Variants in ASXL1 observed in about 807,000 individuals in gnomAD.
ASXL1 encodes polycomb group protein ASXL1.
Under a neutral mutation model 89.1 loss-of-function variants are expected in ASXL1, and 65 were observed. That is an observed-to-expected ratio of 0.73 (90% CI 0.60 to 0.90). ASXL1 has a LOEUF of 0.90. Among genes scored for constraint, ASXL1 ranks in the 40% least tolerant of loss-of-function variants. ASXL1 has a pLI of 0.00. For missense variants in ASXL1, 1,786 were observed against 1,942.9 expected, an observed-to-expected ratio of 0.92 and a Z score of 1.52; for synonymous variants, 739 against 746.9, an observed-to-expected ratio of 0.99 and a Z score of 0.17.
chr20:32,378,472 T>G (rs1436350644), intron 4 of ASXL1, among the ~76,000 whole-genome samples: 1 of 152,180 alleles, frequency 6.6e-6, no homozygotes, highest in African/African-American at 2.4e-5. Context: ...ACAGTTTATT[T>G]ACAGATGCTT....
chr20:32,428,081 A>G, intron 4 of ASXL1, 47 bp from the exon 5 acceptor site: 1 of 1,611,710 alleles, frequency 6.2e-7, no homozygotes, highest in Non-Finnish European at 8.5e-7. Flanking sequence ...CCTTGCTTTA[A>G]GAATTTGTAG....
Position 32,399,745 on chromosome 20 carries a change from C to CTAT in ASXL1, c.253-28382_253-28381insATT, listed in dbSNP as rs1600525633. On this transcript the variant is annotated intron_variant, in intron 4 of 12. Coordinates refer to ENST00000375687, the MANE Select transcript of ASXL1 (RefSeq NM_015338.6). Reference sequence around the variant, plus strand: ...ATTTTTAAAAATCTCACATATTTTACTCTTTTTTTTTTTTTTTTTTTTTTT... The same window carrying CTAT: ...ATTTTTAAAAATCTCACATATTTTACTATTCTTTTTTTTTTTTTTTTTTTTTTT... Among the ~76,000 whole-genome samples the CTAT allele has an allele frequency of 1.8e-3, 122 of 66,582 alleles. 16 individuals are homozygous for CTAT. The highest frequency in any genetic ancestry group is 7.9e-3 in the East Asian group (14 of 1,772). 43.7% of individuals were successfully genotyped at this position (66,582 alleles called of 152,430 possible). A position where few individuals can be genotyped will look rare whatever the true frequency, so the allele number is the denominator to read the frequency against.
intron 4 of ASXL1, among the ~76,000 whole-genome samples, chr20:32,409,304 A>G (rs2049006808): frequency 6.6e-6 from 1 of 152,230 alleles, no homozygotes; most frequent in African/African-American, 2.4e-5. Flanking sequence ...GCTATTATAC[A>G]TGGAATTTGT....
Position 32,437,090 on chromosome 20 carries a change from T to G in ASXL1, c.4378T>G (p.Ser1460Ala), listed in dbSNP as rs1280491013. The change falls in exon 13 of 13, where the codon TCT (serine) becomes GCT (alanine). Residue 1460 changes from serine (S) to alanine (A), a missense_variant. By Grantham distance (99) the Ser-to-Ala change is moderately conservative. Coordinates refer to ENST00000375687, the MANE Select transcript of ASXL1 (RefSeq NM_015338.6). The part of the protein sequence containing the change: ...SSTSFNYSSS[S>A]PTFPKGLAGS... ...CACCAGCTTTAATTATTCCTCTAGCTCTCCCACCTTTCCCAAAGGCCTTGC... is the reference window on the plus strand; with the variant it reads ...CACCAGCTTTAATTATTCCTCTAGCGCTCCCACCTTTCCCAAAGGCCTTGC... 1 of 1,614,110 alleles carries G rather than the reference T, an allele frequency of 6.2e-7. No individual in the cohort carries two copies. Among genetic ancestry groups the G allele is most frequent in the Admixed American group, 1.7e-5 (1 of 60,020 alleles).
At chr20:32,427,050 T>A (rs1240779004) in intron 4 of ASXL1, 1 of 152,174 alleles carries the variant, frequency 6.6e-6, no homozygotes, top group Non-Finnish European at 1.5e-5. Context: ...CATACTTTTA[T>A]TCAAAGAAGA....
intron 4 of ASXL1, among the ~76,000 whole-genome samples, chr20:32,425,409 T>G (rs1322124070): frequency 6.6e-6 from 1 of 152,248 alleles, no homozygotes; most frequent in Non-Finnish European, 1.5e-5. Flanking sequence ...TATCTTCAAC[T>G]GTACCAGATA....
intron 4 of ASXL1, among the ~76,000 whole-genome samples, chr20:32,424,147 C>T (rs959823256): frequency 7.2e-5 from 11 of 152,156 alleles, no homozygotes; most frequent in African/African-American, 1.2e-4. Context: ...CCTAATTTTT[C>T]TTTTTCATTG....
At position 32,429,612 on chromosome 20, in the gene ASXL1, C is replaced by T. The variant is rs946457535; in HGVS notation, c.565+181C>T. 8.0e-6 allele frequency: 6 copies of T among 751,902 alleles called. No individual in the cohort carries two copies. Among genetic ancestry groups the T allele is most frequent in the East Asian group, 2.7e-5 (1 of 37,232 alleles). The allele number at this position is 751,902 out of a possible 1,614,324, so 46.6% of individuals were successfully genotyped here. The stretch of plus-strand genomic sequence containing the variant: ...AGTGCTGGGCTCTGCTGTGTGCCTT[C>T]CTCTTTGTCTCCCAGGGCAGTCGTG... On this transcript the variant is annotated intron_variant, in intron 7 of 12. Transcript: ENST00000375687. This position sits in a 1 kb window ranked among gnomAD's most constrained non-coding sequence, Gnocchi z 4.9.
At chr20:32,364,020 C>T (rs1330615193) in intron 1 of ASXL1, among the ~76,000 whole-genome samples, 3 of 152,074 alleles carry the variant, frequency 2.0e-5, no homozygotes, top group Non-Finnish European at 4.4e-5. Flanking sequence ...TCCAACAACT[C>T]GAGAGGAAGA....
chr20:32,364,768 A>G (rs1412900926), intron 1 of ASXL1, among the ~76,000 whole-genome samples: 2 of 152,218 alleles, frequency 1.3e-5, no homozygotes, highest in Admixed American at 6.5e-5. Context: ...AGTCTATAAC[A>G]TGTAAGTTCT....
At chr20:32,369,193 A>C (rs1337880376) in intron 4 of ASXL1, 70 bp downstream of exon 4, 1 of 1,420,106 alleles carries the variant, frequency 7.0e-7, no homozygotes, top group East Asian at 2.3e-5. Flanking sequence ...ATCACCTGGT[A>C]GGTCTGGAAT....
At position 32,426,548 on chromosome 20, in the gene ASXL1, TTCTTTC is replaced by T. The variant is rs1366749755; in HGVS notation, c.253-1578_253-1573del. Among the ~76,000 whole-genome samples the T allele has an allele frequency of 1.1e-4, 11 of 98,436 alleles. 2 individuals are homozygous for T. The South Asian group carries it at 1.7e-3, about 16-fold the overall frequency. The allele number at this position is 98,436 out of a possible 152,430, so 64.6% of individuals were successfully genotyped here. ...GATGTAGAAAACTGTTTTCTTTTTT[TTCTTTC>T]TTTTTTTTTTTTTTTTTTTTTTTTG... On this transcript the variant is annotated intron_variant, in intron 4 of 12. Coordinates refer to ENST00000375687, the MANE Select transcript of ASXL1 (RefSeq NM_015338.6).
At chr20:32,387,359 T>G (rs572117567) in intron 4 of ASXL1, among the ~76,000 whole-genome samples, 1 of 152,336 alleles carries the variant, frequency 6.6e-6, no homozygotes, top group Admixed American at 6.5e-5. Context: ...TGTCATGCCC[T>G]GTTTCTTTCA....
In ASXL1 at chr20:32,429,447, T is replaced by C. The variant is rs373725142; in HGVS notation, c.565+16T>C. 9 of 1,610,738 alleles carry C rather than the reference T, an allele frequency of 5.6e-6. No individual in the cohort carries two copies. Among genetic ancestry groups the C allele is most frequent in the Non-Finnish European group, 7.6e-6 (9 of 1,177,044 alleles). ...TCTGCATCAGGTATGTGTAAACTCA[T>C]GGTTGTGATGCTTTTTCCTCAGGTC... is the stretch of plus-strand genomic sequence containing the variant. On this transcript the variant is annotated intron_variant, in intron 7 of 12. Transcript: ENST00000375687. The surrounding 1 kb of genome is among the most constrained non-coding windows in gnomAD (Gnocchi z 4.9).
chr20:32,428,457 A>G, intron 6 of ASXL1, 35 bp downstream of exon 6: 2 of 1,557,578 alleles, frequency 1.3e-6, no homozygotes. Flanking sequence ...TGGGAGGATG[A>G]ATGATGACAG....
At chr20:32,389,865 G>A (rs1479584037) in intron 4 of ASXL1, among the ~76,000 whole-genome samples, 1 of 152,232 alleles carries the variant, frequency 6.6e-6, no homozygotes, top group Non-Finnish European at 1.5e-5. Context: ...ACCACGCCCA[G>A]CCAAATTCAC....
In ASXL1 at chr20:32,428,379, G is replaced by A. The variant is rs144437064; in HGVS notation, c.428G>A (p.Arg143Gln). The A allele has an allele frequency of 7.4e-6, 12 of 1,613,988 alleles. No homozygotes were observed. The highest frequency in any genetic ancestry group is 6.7e-5 in the East Asian group (3 of 44,884). ...TCCTGTTCTACAGAATCTCAGAGTC[G>A]ACCTCTTTCCAATCCCAGGGACAGC... ...NASCSTESQS[R>Q]PLSNPRDSYR... The change falls in exon 6 of 13, where the codon CGA (arginine) becomes CAA (glutamine). Residue 143 changes from arginine to glutamine, a missense_variant. Arg to Gln is a conservative substitution (Grantham distance 43). Coordinates refer to ENST00000375687, the MANE Select transcript of ASXL1 (RefSeq NM_015338.6).
chr20:32,382,145 T>A (rs893143822), intron 4 of ASXL1, among the ~76,000 whole-genome samples: 1 of 151,858 alleles, frequency 6.6e-6, no homozygotes, highest in African/African-American at 2.4e-5. Flanking sequence ...ATTTTTTATT[T>A]TTATTTTTTA....
intron 4 of ASXL1, among the ~76,000 whole-genome samples, chr20:32,413,148 A>T: frequency 6.6e-6 from 1 of 151,754 alleles, no homozygotes; most frequent in Non-Finnish European, 1.5e-5. Context: ...ATTGAAGAGC[A>T]AAATACTCTC....
Sources: allele counts gnomAD v4.1 joint callset (sites outside exome capture counted in the v4.1 genomes callset), GRCh38; gene constraint gnomAD v4.1.1; non-coding constraint Gnocchi (gnomAD v3.1); transcripts MANE v1.5; gene names NCBI Gene and HGNC (gene_info 2026-07-23, HGNC 2026-07-21).